The following ROBO1 variants were observed in gnomAD, a reference collection of about 807,000 sequenced individuals.
ROBO1 encodes roundabout homolog 1.
In ROBO1, 149 loss-of-function variants were observed where a neutral mutation model predicts 195.9. That is an observed-to-expected ratio of 0.76 (90% CI 0.67 to 0.87). ROBO1 has a LOEUF of 0.87. ROBO1 is among the 40% of genes least tolerant of loss of function. The pLI is 0.00. For missense variants in ROBO1, 1,933 were observed against 2,068.3 expected, an observed-to-expected ratio of 0.93 and a Z score of 1.27; for synonymous variants, 816 against 733.2, an observed-to-expected ratio of 1.11 and a Z score of -1.82.
At chr3:78,771,530 T>A (rs992858253) in intron 4 of ROBO1, among the ~76,000 whole-genome samples, 1 of 152,184 alleles carries the variant, frequency 6.6e-6, no homozygotes, top group Non-Finnish European at 1.5e-5. Flanking sequence ...TCAATGAGCA[T>A]GGAATGTTTT....
intron 1 of ROBO1, among the ~76,000 whole-genome samples, chr3:79,593,430 G>A (rs1030589368): frequency 2.6e-5 from 4 of 152,026 alleles, no homozygotes; most frequent in South Asian, 2.1e-4. Flanking sequence ...GGTGTTGCCA[G>A]TGTTCTAGGT....
chr3:78,610,310 G>GTTAC (rs1319997243), intron 28 of ROBO1, among the ~76,000 whole-genome samples: 1 of 152,104 alleles, frequency 6.6e-6, no homozygotes, highest in African/African-American at 2.4e-5. Flanking sequence ...CTCCCTTGAT[G>GTTAC]TTACTTATTA....
intron 2 of ROBO1, among the ~76,000 whole-genome samples, chr3:79,461,147 A>T (rs578134037): frequency 1.3e-5 from 2 of 152,270 alleles, no homozygotes; most frequent in South Asian, 4.1e-4. Flanking sequence ...CTAAGTTGTA[A>T]CCAAAAGTCT....
At chr3:79,518,637 A>G (rs1294139044) in intron 2 of ROBO1, among the ~76,000 whole-genome samples, 3 of 152,076 alleles carry the variant, frequency 2.0e-5, no homozygotes, top group African/African-American at 7.2e-5. Context: ...AGCTTTTTCT[A>G]TATTATGCAT....
At chr3:79,114,005 T>G (rs1366276715) in intron 3 of ROBO1, among the ~76,000 whole-genome samples, 2 of 152,342 alleles carry the variant, frequency 1.3e-5, no homozygotes, top group East Asian at 1.9e-4. Context: ...TCACCCATAC[T>G]GTTCTCATGG....
At chr3:79,620,238 A>G (rs1422676342) in intron 1 of ROBO1, among the ~76,000 whole-genome samples, 1 of 152,128 alleles carries the variant, frequency 6.6e-6, no homozygotes, top group Non-Finnish European at 1.5e-5. Context: ...ACTCTGGCCC[A>G]AGGATCTTGG....
chr3:79,527,645 T>C (rs2107600602), intron 2 of ROBO1, among the ~76,000 whole-genome samples: 1 of 151,746 alleles, frequency 6.6e-6, no homozygotes, highest in East Asian at 1.9e-4. Flanking sequence ...AATAGAACTC[T>C]GTTGTAAAGG....
chr3:78,685,437 C>T (rs562621320), intron 10 of ROBO1, among the ~76,000 whole-genome samples: 1 of 149,762 alleles, frequency 6.7e-6, no homozygotes, highest in East Asian at 2.0e-4. Flanking sequence ...TGGCAATTTA[C>T]ACTAAGATAT....
chr3:79,307,343 A>C (rs1229388132), intron 2 of ROBO1, among the ~76,000 whole-genome samples: 1 of 152,136 alleles, frequency 6.6e-6, no homozygotes, highest in African/African-American at 2.4e-5. Context: ...GAAAGAAAAA[A>C]ATGTGTTTAC....
At chr3:79,136,359 G>A (rs1271842255) in intron 2 of ROBO1, among the ~76,000 whole-genome samples, 1 of 151,964 alleles carries the variant, frequency 6.6e-6, no homozygotes, top group Non-Finnish European at 1.5e-5. Flanking sequence ...TCTTCCTTTT[G>A]CCCTACTTAC....
intron 4 of ROBO1, among the ~76,000 whole-genome samples, chr3:78,814,209 T>A (rs2084830356): frequency 6.6e-6 from 1 of 152,074 alleles, no homozygotes; most frequent in Non-Finnish European, 1.5e-5. Context: ...ATTTATTATC[T>A]ATGTCCACAT....
At chr3:79,530,111 CATA>C (rs1279789618) in intron 2 of ROBO1, among the ~76,000 whole-genome samples, 3 of 152,166 alleles carry the variant, frequency 2.0e-5, no homozygotes, top group Admixed American at 6.6e-5. Context: ...GCAAAAATAA[CATA>C]ATAACACATA....
intron 3 of ROBO1, among the ~76,000 whole-genome samples, chr3:79,060,139 T>C (rs1050588957): frequency 5.9e-5 from 9 of 151,966 alleles, no homozygotes; most frequent in Non-Finnish European, 4.4e-5. Flanking sequence ...TCCTGCAGCA[T>C]CCCCAGGCTT....
At position 79,717,160 on chromosome 3, in the gene ROBO1, A is replaced by G. The variant is rs143751217; in HGVS notation, c.-51+50592T>C. Reference sequence around the variant, plus strand: ...TTACTTTTCTCTAGTAAGTTTGTATATTTATACTTTAAATGTGACTATTTT... The same window carrying G: ...TTACTTTTCTCTAGTAAGTTTGTATGTTTATACTTTAAATGTGACTATTTT... On this transcript the variant is annotated intron_variant, in intron 1 of 30. Coordinates refer to ENST00000464233, the MANE Select transcript of ROBO1 (RefSeq NM_002941.4). Among the ~76,000 whole-genome samples the G allele has an allele frequency of 9.3e-3, 1,417 of 151,970 alleles. 13 individuals carry two copies. The highest frequency in any genetic ancestry group is 0.034 in the Middle Eastern group (10 of 294).
At chr3:79,156,861 T>G (rs1235280014) in intron 2 of ROBO1, among the ~76,000 whole-genome samples, 1 of 151,844 alleles carries the variant, frequency 6.6e-6, no homozygotes, top group Admixed American at 6.6e-5. Flanking sequence ...GTCTACAGAT[T>G]CCTTTACTTT....
At chr3:79,072,370 A>T in intron 3 of ROBO1, among the ~76,000 whole-genome samples, 1 of 152,050 alleles carries the variant, frequency 6.6e-6, no homozygotes, top group East Asian at 1.9e-4. Flanking sequence ...TTAAATATTC[A>T]TCCATTGAAA....
intron 2 of ROBO1, among the ~76,000 whole-genome samples, chr3:79,256,354 C>T (rs2082833350): frequency 6.6e-6 from 1 of 152,148 alleles, no homozygotes; most frequent in Non-Finnish European, 1.5e-5. Flanking sequence ...CAATAGACAG[C>T]ACTTGAGAGT....
chr3:79,635,977 T>G (rs1945484683), intron 1 of ROBO1, among the ~76,000 whole-genome samples: 1 of 152,144 alleles, frequency 6.6e-6, no homozygotes, highest in Non-Finnish European at 1.5e-5. Context: ...ATATTTTTCT[T>G]TCACTTACTT....
intron 2 of ROBO1, among the ~76,000 whole-genome samples, chr3:79,320,572 G>T (rs2046805): frequency 0.7 from 107,058 of 151,982 alleles, 39,307 homozygotes; most frequent in African/African-American, 0.93. Context: ...TCAAACGACA[G>T]TCTCACCTGG....
Sources: allele counts gnomAD v4.1 joint callset (sites outside exome capture counted in the v4.1 genomes callset), GRCh38; gene constraint gnomAD v4.1.1; transcripts MANE v1.5; gene names NCBI Gene and HGNC (gene_info 2026-07-23, HGNC 2026-07-21).